RC3H2: variants seen among roughly 807,000 people sequenced by gnomAD.
RC3H2 encodes ring finger and CCCH-type domains 2.
Under a neutral mutation model 133.3 loss-of-function variants are expected in RC3H2, and 31 were observed. The ratio of observed to expected loss-of-function variants is 0.23; its 90% CI spans 0.17 to 0.31. The LOEUF (loss-of-function observed/expected upper bound fraction) is 0.31, where lower values mean the gene tolerates loss of function less well. Among genes scored for constraint, RC3H2 ranks in the 10% least tolerant of loss-of-function variants. The pLI, the probability that RC3H2 is intolerant of heterozygous loss-of-function variation, is 1.00. For missense variants in RC3H2, 1,175 were observed against 1,437.2 expected, an observed-to-expected ratio of 0.82 and a Z score of 2.95; for synonymous variants, 517 against 502.2, an observed-to-expected ratio of 1.03 and a Z score of -0.40.
intron 13 of RC3H2, among the ~76,000 whole-genome samples, chr9:122,856,754 T>C (rs1479838119): frequency 1.3e-5 from 2 of 152,216 alleles, no homozygotes; most frequent in East Asian, 3.9e-4. Flanking sequence ...AAATCTAGTT[T>C]ACTAATTATT....
rs1832807592 is a variant in RC3H2, at chr9:122,905,330, T to TCCTCCC, written c.-289_-288insGGGAGG. On this transcript the variant is annotated 5_prime_UTR_variant, in exon 1 of 21. Coordinates refer to ENST00000357244, the MANE Select transcript of RC3H2 (RefSeq NM_001100588.3). ...CACCTCCGCCTCCTCCTCCTCCTCCTCCTCACCACGGAGGCGGACCTGGAG... is the reference window on the plus strand; with the variant it reads ...CACCTCCGCCTCCTCCTCCTCCTCCTCCTCCCCCTCACCACGGAGGCGGACCTGGAG... 1 of 973,810 alleles carries TCCTCCC rather than the reference T, an allele frequency of 1.0e-6. No individual in the cohort carries two copies. Among genetic ancestry groups the TCCTCCC allele is most frequent in the South Asian group, 4.7e-5 (1 of 21,078 alleles). 60.3% of individuals were successfully genotyped at this position (973,810 alleles called of 1,614,324 possible).
At chr9:122,887,012 T>A (rs1023938298) in intron 4 of RC3H2, among the ~76,000 whole-genome samples, 4 of 152,218 alleles carry the variant, frequency 2.6e-5, no homozygotes, top group African/African-American at 9.6e-5. Flanking sequence ...AAACTTTGTA[T>A]AATGGAAAAT....
At position 122,900,234 on chromosome 9, in the gene RC3H2, T is replaced by C. The variant is rs190476091; in HGVS notation, c.-67-2658A>G. 3.3e-5 allele frequency among the ~76,000 whole-genome samples: 5 copies of C among 152,238 alleles called. No homozygotes were observed. The East Asian group carries it at 9.6e-4, about 29-fold the overall frequency. On this transcript the variant is annotated intron_variant, in intron 1 of 20. Transcript: ENST00000357244. ...AAATTGAATTAATACCTTTAAGATATAAAGGTAAAACACTGCCAAAATTTT... is the reference window on the plus strand; with the variant it reads ...AAATTGAATTAATACCTTTAAGATACAAAGGTAAAACACTGCCAAAATTTT...
intron 4 of RC3H2, among the ~76,000 whole-genome samples, chr9:122,889,978 C>T (rs1245520194): frequency 1.3e-5 from 2 of 151,970 alleles, no homozygotes; most frequent in Non-Finnish European, 2.9e-5. Flanking sequence ...CCTGTCTGTA[C>T]AAAAAATAGA....
chr9:122,879,309 ACC>A (rs1831494362), intron 8 of RC3H2, among the ~76,000 whole-genome samples: 1 of 151,748 alleles, frequency 6.6e-6, no homozygotes, highest in African/African-American at 2.4e-5. Context: ...CAGGAGAATC[ACC>A]TGAACTCAGG....
intron 9 of RC3H2, among the ~76,000 whole-genome samples, chr9:122,867,881 C>T (rs1234205108): frequency 3.6e-4 from 24 of 66,242 alleles, no homozygotes; most frequent in African/African-American, 9.8e-4. Flanking sequence ...CCACCCCGTC[C>T]GGGAGGGAGG....
At chr9:122,875,501 T>A in intron 9 of RC3H2, 1 of 1,281,464 alleles carries the variant, frequency 7.8e-7, no homozygotes, top group Non-Finnish European at 1.0e-6. Flanking sequence ...ACAGTGGCAC[T>A]GCTGAGTGGT....
At chr9:122,894,011 G>A (rs956294920) in intron 2 of RC3H2, among the ~76,000 whole-genome samples, 2 of 152,112 alleles carry the variant, frequency 1.3e-5, no homozygotes, top group Admixed American at 6.5e-5. Context: ...TTGGAATCCC[G>A]CACTTTGGGA....
chr9:122,875,064 G>C, intron 9 of RC3H2: 1 of 1,170,458 alleles, frequency 8.5e-7, no homozygotes, highest in Non-Finnish European at 1.1e-6. Context: ...TTCAGGTATG[G>C]ACAAGCTGAA....
At chr9:122,896,336 G>A (rs958401107) in intron 2 of RC3H2, among the ~76,000 whole-genome samples, 2 of 151,994 alleles carry the variant, frequency 1.3e-5, no homozygotes, top group African/African-American at 2.4e-5. Context: ...AAAAAGTCAA[G>A]TGAAGTAAAA....
chr9:122,852,364 G>A (rs1275518671), intron 18 of RC3H2, among the ~76,000 whole-genome samples: 1 of 151,874 alleles, frequency 6.6e-6, no homozygotes. Flanking sequence ...TGGGAAGTGA[G>A]GAGCGTCTCC....
chr9:122,858,635 T>G (rs371429942), intron 12 of RC3H2, 34 bp downstream of exon 12: 19 of 1,567,000 alleles, frequency 1.2e-5, no homozygotes, highest in Non-Finnish European at 1.4e-5. Flanking sequence ...CACTGGGCTG[T>G]TAATGACTAC....
At chr9:122,876,119 G>A (rs1831324065) in intron 9 of RC3H2, among the ~76,000 whole-genome samples, 1 of 152,082 alleles carries the variant, frequency 6.6e-6, no homozygotes, top group African/African-American at 2.4e-5. Context: ...TATATAGGAA[G>A]ATGAATTGGC....
At chr9:122,884,201 G>C (rs1318582942) in intron 4 of RC3H2, among the ~76,000 whole-genome samples, 1 of 152,026 alleles carries the variant, frequency 6.6e-6, no homozygotes, top group East Asian at 1.9e-4. Context: ...GCTGAGGCAG[G>C]AGAATGGCAT....
At chr9:122,876,840 A>T (rs1355140489) in intron 9 of RC3H2, among the ~76,000 whole-genome samples, 1 of 152,178 alleles carries the variant, frequency 6.6e-6, no homozygotes, top group African/African-American at 2.4e-5. Flanking sequence ...AAGAATACAC[A>T]GGGAAAAAGA....
chr9:122,862,540 C>CCTGTGTTCCAATAACAACTGGAACAA (rs570087371), intron 10 of RC3H2, among the ~76,000 whole-genome samples: 1 of 152,160 alleles, frequency 6.6e-6, no homozygotes, highest in African/African-American at 2.4e-5. Context: ...TATTCTTTTT[C>CCTGTGTTCCAATAACAACTGGAACAA]CTGTGTTCCA....
At chr9:122,853,378 T>TAAAAAAAA (rs72033785) in intron 18 of RC3H2, among the ~76,000 whole-genome samples, 4 of 83,708 alleles carry the variant, frequency 4.8e-5, no homozygotes, top group Admixed American at 1.2e-4. Flanking sequence ...GAATGATCAA[T>TAAAAAAAA]AAAAAAAAAA....
At chr9:122,891,549 G>T (rs1832173172) in intron 3 of RC3H2, among the ~76,000 whole-genome samples, 1 of 152,096 alleles carries the variant, frequency 6.6e-6, no homozygotes, top group Non-Finnish European at 1.5e-5. Context: ...TTAATTCTTA[G>T]TTCCTTATTT....
In RC3H2 at chr9:122,897,290, C is replaced by G. The variant is rs181908559; in HGVS notation, c.220G>C (p.Val74Leu). The change falls in exon 2 of 21, where the codon GTT (valine) becomes CTT (leucine). Residue 74 changes from valine to leucine, a missense_variant. This residue lies in a region of RC3H2 where 41 missense variants were observed against 88.0 expected (regional missense o/e 0.47). Coordinates refer to ENST00000357244, the MANE Select transcript of RC3H2 (RefSeq NM_001100588.3). ...TCTTGAATGCTTACCTGGGCTCCAACTAACTGGAGAAGTGCGAAGTTGACA... is the reference window on the plus strand; with the variant it reads ...TCTTGAATGCTTACCTGGGCTCCAAGTAACTGGAGAAGTGCGAAGTTGACA... ...LPVNFALLQL[V>L]GAQVPDHQSI... The G allele has an allele frequency of 6.8e-5, 109 of 1,613,946 alleles. No homozygotes were observed. Among genetic ancestry groups the G allele is most frequent in the Non-Finnish European group, 8.5e-6 (10 of 1,179,860 alleles).
Sources: allele counts gnomAD v4.1 joint callset (sites outside exome capture counted in the v4.1 genomes callset), GRCh38; gene constraint gnomAD v4.1.1; regional missense constraint gnomAD v4.1.1; transcripts MANE v1.5; gene names NCBI Gene and HGNC (gene_info 2026-07-23, HGNC 2026-07-21).